Variants in ODAD3 observed in about 807,000 individuals in gnomAD.
ODAD3 encodes the protein outer dynein arm-docking complex subunit 3.
Under a neutral mutation model 70.9 loss-of-function variants are expected in ODAD3, and 57 were observed. The ratio of observed to expected loss-of-function variants is 0.80; its 90% CI spans 0.65 to 1.00. The LOEUF (loss-of-function observed/expected upper bound fraction) is 1.00. ODAD3 is among the 50% of genes least tolerant of loss of function. The pLI is 0.00. For synonymous variants in ODAD3, 327 were observed against 315.9 expected (o/e 1.04, Z -0.37); for missense variants, 797 against 763.9 (o/e 1.04, Z -0.51).
chr19:11,423,772 CAG>C (rs1450215325), intron 8 of ODAD3, 103 bp downstream of exon 8: 21 of 1,188,290 alleles, frequency 1.8e-5, no homozygotes, highest in Non-Finnish European at 2.4e-5. Flanking sequence ...ACCGACCTGG[CAG>C]AGAGGGGAGA....
At chr19:11,431,571 A>G (rs1240368395) in intron 1 of ODAD3, among the ~76,000 whole-genome samples, 4 of 151,348 alleles carry the variant, frequency 2.6e-5, no homozygotes, top group African/African-American at 9.7e-5. Context: ...CGGGCGGATC[A>G]CCTGAGGTCA....
intron 2 of ODAD3, 34 bp downstream of exon 2, chr19:11,430,865 A>G (rs34095): frequency 0.55 from 881,546 of 1,613,518 alleles, 244,440 homozygotes; most frequent in African/African-American, 0.81. Context: ...ATCCACCGCC[A>G]CGGGAACCCT....
In ODAD3 at chr19:11,434,755, C is replaced by T. The variant is rs534157013; in HGVS notation, c.244+18G>A. Reference sequence around the variant, plus strand: ...ACTGTTGACCCCTGACCCTCTGTACCCTCTGGAGCCATCTTACCTAACAGT... The same window carrying T: ...ACTGTTGACCCCTGACCCTCTGTACTCTCTGGAGCCATCTTACCTAACAGT... On this transcript the variant is annotated intron_variant, in intron 1 of 12. Coordinates refer to ENST00000356392, the MANE Select transcript of ODAD3 (RefSeq NM_145045.5). 3.2e-5 allele frequency: 51 copies of T among 1,599,906 alleles called. No individual in the cohort carries two copies. In the East Asian group the frequency reaches 1.1e-3, roughly 35 times the overall value.
intron 7 of ODAD3, 89 bp from the exon 8 acceptor site, chr19:11,424,118 C>A: frequency 6.8e-7 from 1 of 1,474,674 alleles, no homozygotes; most frequent in Non-Finnish European, 9.2e-7. Flanking sequence ...TAGGGGCCCG[C>A]GAGGAACAGG....
chr19:11,424,118 C>T, intron 7 of ODAD3, 89 bp from the exon 8 acceptor site: 1 of 1,474,676 alleles, frequency 6.8e-7, no homozygotes, highest in Non-Finnish European at 9.2e-7. Context: ...TAGGGGCCCG[C>T]GAGGAACAGG....
At chr19:11,435,576 C>G (rs116400352), upstream of ODAD3, 10 of 832,588 alleles carry the variant, frequency 1.2e-5, no homozygotes, top group Middle Eastern at 4.3e-4. Context: ...GACCCTGAGT[C>G]TCCGTTCCCG....
chr19:11,431,986 G>A (rs1969513743), intron 1 of ODAD3, among the ~76,000 whole-genome samples: 1 of 149,798 alleles, frequency 6.7e-6, no homozygotes, highest in South Asian at 2.1e-4. Flanking sequence ...GATGGTGGGT[G>A]CCTGTAATCC....
In ODAD3 at chr19:11,427,060, G is replaced by A. The variant is rs775377030; in HGVS notation, c.445-20C>T. The A allele has an allele frequency of 1.2e-5, 19 of 1,550,654 alleles. No homozygotes were observed. Among genetic ancestry groups the A allele is most frequent in the Non-Finnish European group, 1.5e-5 (17 of 1,152,734 alleles). ...CAGGGCCTGCCGCAAGGAGGGGAGC[G>A]AAAGCAGGAGCCTCAACACCCTACC... On this transcript the variant is annotated intron_variant, in intron 3 of 12. Transcript: ENST00000356392.
chr19:11,427,467 G>A (rs1376860864), intron 3 of ODAD3, among the ~76,000 whole-genome samples: 1 of 120,816 alleles, frequency 8.3e-6, no homozygotes, highest in Non-Finnish European at 1.7e-5. Flanking sequence ...GCTAATTTTT[G>A]TTTTTGTTTT....
At chr19:11,433,558 G>A (rs1300722120) in intron 1 of ODAD3, among the ~76,000 whole-genome samples, 2 of 152,206 alleles carry the variant, frequency 1.3e-5, no homozygotes, top group East Asian at 3.8e-4. Flanking sequence ...GAACAATTAG[G>A]TTACTCTTAG....
At chr19:11,431,518 T>C (rs1465227970) in intron 1 of ODAD3, among the ~76,000 whole-genome samples, 1 of 151,728 alleles carries the variant, frequency 6.6e-6, no homozygotes, top group Non-Finnish European at 1.5e-5. Context: ...AGGCTGAGCA[T>C]GATGGCTCGT....
intron 3 of ODAD3, among the ~76,000 whole-genome samples, chr19:11,429,104 C>T (rs1393972257): frequency 6.6e-6 from 1 of 151,568 alleles, no homozygotes; most frequent in Non-Finnish European, 1.5e-5. Flanking sequence ...GTCTCAAACG[C>T]CCGACCTCAG....
intron 1 of ODAD3, among the ~76,000 whole-genome samples, chr19:11,431,778 CAA>C (rs34565793): frequency 5.5e-5 from 7 of 127,022 alleles, no homozygotes; most frequent in Admixed American, 8.0e-5. Context: ...ACTAAAAATA[CAA>C]AAAAAAAAAA....
At chr19:11,428,016 C>T (rs1282167485) in intron 3 of ODAD3, among the ~76,000 whole-genome samples, 4 of 151,392 alleles carry the variant, frequency 2.6e-5, no homozygotes, top group Admixed American at 1.3e-4. Context: ...AGAAGAATGG[C>T]GAGAACCCGG....
At chr19:11,421,896 G>A in intron 10 of ODAD3, 64 bp from the exon 11 acceptor site, 1 of 1,537,106 alleles carries the variant, frequency 6.5e-7, no homozygotes, top group Non-Finnish European at 8.7e-7. Flanking sequence ...CTCCACCCAG[G>A]GGCGGGGCTT....
At chr19:11,433,456 G>A (rs1028187224) in intron 1 of ODAD3, among the ~76,000 whole-genome samples, 7 of 152,236 alleles carry the variant, frequency 4.6e-5, no homozygotes, top group Non-Finnish European at 1.0e-4. Flanking sequence ...ATGGTACTTT[G>A]CTATGTGCCA....
chr19:11,425,328 CAT>C lies in ODAD3; in HGVS notation c.963+814_963+815del, dbSNP rs1469162177. Among the ~76,000 whole-genome samples the C allele has an allele frequency of 6.2e-3, 710 of 113,624 alleles. 38 individuals are homozygous for C. The highest frequency in any genetic ancestry group is 0.026 in the African/African-American group (662 of 25,596). The allele number at this position is 113,624 out of a possible 152,430, so 74.5% of individuals were successfully genotyped here. On this transcript the variant is annotated intron_variant, in intron 7 of 12. Transcript: ENST00000356392. ...GTATGTGTACATATGTGTATATGTA[CAT>C]ATGTGTATATATGTATATATGTGTA...
chr19:11,422,812 T>C lies in ODAD3; in HGVS notation c.1166A>G (p.Glu389Gly). 11 of 1,608,612 alleles carry C rather than the reference T, an allele frequency of 6.8e-6. No individual in the cohort carries two copies. The highest frequency in any genetic ancestry group is 9.3e-6 in the Non-Finnish European group (11 of 1,179,886). ...LAQGDTFAQL[E>G]TLKSENEQTL... is the part of the protein sequence containing the mutation. Reference sequence around the variant, plus strand: ...CTGCTCGTTCTCGCTCTTGAGCGTCTCCAACTGCGCGAAGGTGTCGCCCTG... The same window carrying C: ...CTGCTCGTTCTCGCTCTTGAGCGTCCCCAACTGCGCGAAGGTGTCGCCCTG... The change falls in exon 9 of 13, where the codon GAG becomes GGG. Residue 389 changes from glutamate to glycine, a missense_variant. Physicochemically the swap from Glu to Gly is moderately conservative, Grantham distance 98 (BLOSUM62 -2). Coordinates refer to ENST00000356392, the MANE Select transcript of ODAD3 (RefSeq NM_145045.5). The surrounding 1 kb of genome is among the most constrained non-coding windows in gnomAD (Gnocchi z 4.6).
intron 3 of ODAD3, among the ~76,000 whole-genome samples, chr19:11,427,856 T>A (rs961204021): frequency 6.6e-6 from 1 of 150,890 alleles, no homozygotes; most frequent in East Asian, 2.1e-4. Context: ...ATCCCAGCAC[T>A]TTGGGAGGCC....
Sources: gnomAD v4.1 joint callset for allele counts (sites outside exome capture counted in the v4.1 genomes callset) on GRCh38, gnomAD v4.1.1 for gene constraint, Gnocchi (gnomAD v3.1) non-coding constraint, MANE v1.5 for transcripts, NCBI Gene and HGNC (gene_info 2026-07-23, HGNC 2026-07-21) for gene names.